SYN2: variants seen among roughly 807,000 people sequenced by gnomAD.
SYN2 encodes the protein synapsin-2.
SYN2 carries 19 observed loss-of-function variants against 50.9 expected under a neutral mutation model. That is an observed-to-expected ratio of 0.37 (90% CI 0.26 to 0.55). The LOEUF (loss-of-function observed/expected upper bound fraction) is 0.55. SYN2 is among the 20% of genes least tolerant of loss of function. The pLI is 0.81. For synonymous variants in SYN2, 255 were observed against 224.9 expected, an observed-to-expected ratio of 1.13 and a Z score of -1.20; for missense variants, 587 against 576.4, an observed-to-expected ratio of 1.02 and a Z score of -0.19.
chr3:12,120,218 G>A (rs570283869), intron 1 of SYN2, among the ~76,000 whole-genome samples: 3 of 152,268 alleles, frequency 2.0e-5, no homozygotes, highest in East Asian at 3.9e-4. Context: ...AATTCACACA[G>A]CAAGCTAGTG....
At chr3:12,120,847 C>A (rs1431406813) in intron 1 of SYN2, among the ~76,000 whole-genome samples, 1 of 152,022 alleles carries the variant, frequency 6.6e-6, no homozygotes, top group Admixed American at 6.6e-5. Flanking sequence ...GAATTTCTCC[C>A]CCTTCCTTCT....
chr3:12,081,125 C>A (rs966441768), intron 1 of SYN2, among the ~76,000 whole-genome samples: 2 of 152,112 alleles, frequency 1.3e-5, no homozygotes, highest in African/African-American at 4.8e-5. Context: ...GGGTTATCTG[C>A]ACTATTAACC....
At chr3:12,150,872 A>C (rs1324067659) in intron 4 of SYN2, among the ~76,000 whole-genome samples, 10 of 152,232 alleles carry the variant, frequency 6.6e-5, no homozygotes, top group African/African-American at 2.4e-4. Context: ...GCAGGTGTGG[A>C]AAGTCAGAGA....
chr3:12,183,357 C>T lies in SYN2; in HGVS notation c.1354C>T (p.Arg452Trp), dbSNP rs1698265874. 6.2e-7 allele frequency: 1 copy of T among 1,613,774 alleles called. No individual in the cohort carries two copies. Among genetic ancestry groups the T allele is most frequent in the East Asian group, 2.2e-5 (1 of 44,878 alleles). ...GGACTCAAGCAAGACCCCACCTCAG[C>T]GGCCACCCCCTCAAGGTTGTTTACA... ...DPDSSKTPPQ[R>W]PPPQGGPGQP... Residue 452 changes from arginine (R) to tryptophan (W), a missense_variant, in exon 11 of 13, where the codon CGG (arginine) becomes TGG (tryptophan). Physicochemically the swap from Arg to Trp is moderately radical, Grantham distance 101 (BLOSUM62 -3). Coordinates refer to ENST00000621198, the MANE Select transcript of SYN2 (RefSeq NM_133625.6).
chr3:12,035,156 G>T (rs1200304638), intron 1 of SYN2, among the ~76,000 whole-genome samples: 1 of 152,202 alleles, frequency 6.6e-6, no homozygotes, highest in Non-Finnish European at 1.5e-5. Flanking sequence ...CATGAATAAC[G>T]TTAAATCTTA....
intron 10 of SYN2, among the ~76,000 whole-genome samples, chr3:12,181,695 G>C (rs1698224597): frequency 6.6e-6 from 1 of 152,194 alleles, no homozygotes; most frequent in African/African-American, 2.4e-5. Context: ...TTAATAGGTA[G>C]CCCCAGAGAA....
In SYN2 at chr3:12,043,921, A is replaced by G. The variant is rs905975789; in HGVS notation, c.377+38993A>G. On this transcript the variant is annotated intron_variant, in intron 1 of 12. Coordinates refer to ENST00000621198, the MANE Select transcript of SYN2 (RefSeq NM_133625.6). Reference sequence around the variant, plus strand: ...CCTCCATAGCAGTTTATCTACTTCAATTTTATTGTACATACTGCATTCTAC... The same window carrying G: ...CCTCCATAGCAGTTTATCTACTTCAGTTTTATTGTACATACTGCATTCTAC... 2.0e-5 allele frequency among the ~76,000 whole-genome samples: 3 copies of G among 152,000 alleles called. No individual in the cohort carries two copies. In the South Asian group the frequency reaches 6.2e-4, roughly 32 times the overall value.
chr3:12,140,778 A>G (rs529145819), intron 2 of SYN2, 70 bp downstream of exon 2: 3 of 720,234 alleles, frequency 4.2e-6, no homozygotes, highest in East Asian at 2.6e-5. Flanking sequence ...AGAGTGAACC[A>G]TCTCGTTCTG....
intron 1 of SYN2, among the ~76,000 whole-genome samples, chr3:12,122,578 T>C (rs920901015): frequency 3.3e-5 from 5 of 152,140 alleles, no homozygotes; most frequent in Non-Finnish European, 7.4e-5. Flanking sequence ...GAAAAAAATC[T>C]CATCTGTACA....
At chr3:12,187,297 T>G in intron 11 of SYN2, 72 bp from the exon 12 acceptor site, 1 of 1,463,570 alleles carries the variant, frequency 6.8e-7, no homozygotes, top group East Asian at 2.5e-5. Flanking sequence ...CCACACCCTT[T>G]GAGGCATAAA....
intron 1 of SYN2, among the ~76,000 whole-genome samples, chr3:12,010,060 A>C (rs746615448): frequency 1.5e-4 from 23 of 152,202 alleles, no homozygotes; most frequent in Non-Finnish European, 2.8e-4. Flanking sequence ...GCACCACTGC[A>C]CTGTAGCCTG....
chr3:12,153,748 G>A (rs1697373427), intron 5 of SYN2: 1 of 1,607,036 alleles, frequency 6.2e-7, no homozygotes, highest in African/African-American at 1.3e-5. Context: ...AAGTGAGTAG[G>A]GTGTCCTTCT....
intron 1 of SYN2, among the ~76,000 whole-genome samples, chr3:12,034,530 T>A (rs1217384091): frequency 6.6e-6 from 1 of 152,152 alleles, no homozygotes; most frequent in East Asian, 1.9e-4. Flanking sequence ...TTTCTCACAG[T>A]TGTGGAGGCT....
At chr3:12,040,136 T>G (rs1407413068) in intron 1 of SYN2, among the ~76,000 whole-genome samples, 2 of 152,190 alleles carry the variant, frequency 1.3e-5, no homozygotes, top group Non-Finnish European at 2.9e-5. Flanking sequence ...ACATGGATTT[T>G]CAGCACTTGT....
At chr3:12,035,258 C>T (rs1353743025) in intron 1 of SYN2, among the ~76,000 whole-genome samples, 1 of 152,214 alleles carries the variant, frequency 6.6e-6, no homozygotes, top group Non-Finnish European at 1.5e-5. Context: ...AGCAGCCCTG[C>T]CCCCTTGGCT....
At chr3:12,084,673 A>T (rs980113337) in intron 1 of SYN2, among the ~76,000 whole-genome samples, 6 of 152,328 alleles carry the variant, frequency 3.9e-5, no homozygotes, top group African/African-American at 1.4e-4. Context: ...CATCTCTTAT[A>T]TGAAGGTTGA....
At chr3:12,053,434 CA>C (rs1343942951) in intron 1 of SYN2, among the ~76,000 whole-genome samples, 1 of 141,864 alleles carries the variant, frequency 7.0e-6, no homozygotes, top group Non-Finnish European at 1.5e-5. Flanking sequence ...AAACAAAAAA[CA>C]AAACAAAACA....
At chr3:12,114,413 A>G (rs1696386379) in intron 1 of SYN2, among the ~76,000 whole-genome samples, 1 of 152,124 alleles carries the variant, frequency 6.6e-6, no homozygotes, top group Non-Finnish European at 1.5e-5. Flanking sequence ...TTTTCTTGGT[A>G]GTGTCCCTTG....
intron 1 of SYN2, among the ~76,000 whole-genome samples, chr3:12,050,456 C>G (rs557083996): frequency 6.7e-6 from 1 of 148,470 alleles, no homozygotes; most frequent in South Asian, 2.1e-4. Flanking sequence ...AGTGATTCTT[C>G]TGCCTCCGCC....
Sources: allele counts gnomAD v4.1 joint callset (sites outside exome capture counted in the v4.1 genomes callset), GRCh38; gene constraint gnomAD v4.1.1; transcripts MANE v1.5; gene names NCBI Gene and HGNC (gene_info 2026-07-23, HGNC 2026-07-21).